The following ZFR2 variants were observed in gnomAD, a reference collection of about 807,000 sequenced individuals.
ZFR2 encodes the protein zinc finger RNA binding protein 2.
ZFR2 carries 104 observed loss-of-function variants against 105.7 expected under a neutral mutation model. That is an observed-to-expected ratio of 0.98 (90% CI 0.84 to 1.16). The LOEUF (loss-of-function observed/expected upper bound fraction) is 1.16. Ranked by LOEUF, ZFR2 falls within the 50% of genes most tolerant of loss-of-function variation. ZFR2 has a pLI of 0.00. For synonymous variants in ZFR2, 634 were observed against 597.7 expected, an observed-to-expected ratio of 1.06 and a Z score of -0.89; for missense variants, 1,425 against 1,355.5, an observed-to-expected ratio of 1.05 and a Z score of -0.80.
intron 1 of ZFR2, among the ~76,000 whole-genome samples, chr19:3,857,695 CAAA>C (rs11367233): frequency 2.5e-4 from 26 of 104,364 alleles, no homozygotes; most frequent in Non-Finnish European, 1.2e-4. Flanking sequence ...GACCCTGTCT[CAAA>C]AAAAAAAAAA....
intron 1 of ZFR2, among the ~76,000 whole-genome samples, chr19:3,835,491 T>C (rs2005715): frequency 1.7e-5 from 1 of 57,780 alleles, no homozygotes. Flanking sequence ...ACGCCCAGCC[T>C]TTTTTTTTTT....
intron 10 of ZFR2, 28 bp downstream of exon 10, chr19:3,821,312 C>T: frequency 1.3e-6 from 2 of 1,548,160 alleles, no homozygotes; most frequent in Non-Finnish European, 1.7e-6. Context: ...CTCACCAGGC[C>T]CCCTTGCCAA....
intron 3 of ZFR2, 47 bp downstream of exon 3, chr19:3,833,617 C>T (rs559646916): frequency 2.3e-5 from 32 of 1,413,326 alleles, no homozygotes; most frequent in African/African-American, 1.4e-4. Context: ...CCCTGTGCTG[C>T]GGGGAGCGTC....
At position 3,825,369 on chromosome 19, in the gene ZFR2, G is replaced by A. The variant is rs774987664; in HGVS notation, c.1074C>T (p.Pro358=). The A allele has an allele frequency of 1.6e-5, 26 of 1,589,774 alleles. 1 individual carries two copies. Among genetic ancestry groups the A allele is most frequent in the South Asian group, 2.3e-5 (2 of 87,528 alleles). ...CTGTGGCCAGTGCAGGCTCGAGGGT[G>A]GGAATGGGCTTCCCCAGTTTGGCGT... ...KLHAKLGKPI[P]TLEPALATES... is the part of the protein sequence containing the mutation. The change falls in exon 7 of 19, where the codon CCC becomes CCT. Residue 358 remains proline, a synonymous_variant. Coordinates refer to ENST00000262961, the MANE Select transcript of ZFR2 (RefSeq NM_015174.2).
intron 1 of ZFR2, among the ~76,000 whole-genome samples, chr19:3,845,824 A>G (rs890001174): frequency 6.6e-5 from 10 of 152,018 alleles, no homozygotes; most frequent in Non-Finnish European, 1.3e-4. Flanking sequence ...AAAACTAAAA[A>G]TAAGTCAAGA....
chr19:3,813,187 G>A lies in ZFR2; in HGVS notation c.2242+633C>T, dbSNP rs2037786582. ...ATTACGAAGGGGGTAAAAGATGATA[G>A]GAGTTTGGAAAACTGCCCTAGAGAC... On this transcript the variant is annotated intron_variant, in intron 14 of 18. Coordinates refer to ENST00000262961, the MANE Select transcript of ZFR2 (RefSeq NM_015174.2). The surrounding 1 kb of genome is among the most constrained non-coding windows in gnomAD (Gnocchi z 4.4). Among the ~76,000 whole-genome samples, 2 of 152,238 alleles carry A rather than the reference G, an allele frequency of 1.3e-5. No homozygotes were observed. The highest frequency in any genetic ancestry group is 2.9e-5 in the Non-Finnish European group (2 of 68,040).
At chr19:3,830,655 G>T (rs1282798556) in intron 5 of ZFR2, among the ~76,000 whole-genome samples, 1 of 152,156 alleles carries the variant, frequency 6.6e-6, no homozygotes, top group Admixed American at 6.6e-5. Context: ...TCCAGAGTCT[G>T]CGATTGCAGA....
intron 2 of ZFR2, 97 bp from the exon 3 acceptor site, chr19:3,833,875 G>T (rs2038047540): frequency 1.1e-6 from 1 of 941,900 alleles, no homozygotes; most frequent in Non-Finnish European, 1.6e-6. Flanking sequence ...TCTGCACTTA[G>T]TCCTTCCTGC....
chr19:3,852,514 A>G, intron 1 of ZFR2: 2 of 718,632 alleles, frequency 2.8e-6, no homozygotes, highest in Non-Finnish European at 5.2e-6. Flanking sequence ...AAGCTTGGGC[A>G]CAGGGCAGTC....
intron 7 of ZFR2, among the ~76,000 whole-genome samples, chr19:3,824,348 A>AGCGAAGCAAT (rs2037926823): frequency 6.6e-6 from 1 of 152,196 alleles, no homozygotes; most frequent in East Asian, 1.9e-4. Context: ...GTGGAGGTAA[A>AGCGAAGCAAT]GCGAAGCAAT....
rs2037890787 is a variant in ZFR2, at chr19:3,821,390, G to A, written c.1581C>T (p.His527=). 2 of 1,610,826 alleles carry A rather than the reference G, an allele frequency of 1.2e-6. No homozygotes were observed. The highest frequency in any genetic ancestry group is 2.7e-5 in the African/African-American group (2 of 74,962). ...VLEERMRKQR[H]LAEERLEQLR... is the part of the protein sequence containing the mutation. ...GCTGCTCCAGCCGCTCCTCCGCCAG[G>A]TGCCGCTGCTTCCTCATGCGCTCCT... Residue 527 remains histidine (H), a synonymous_variant, in exon 10 of 19, where the codon CAC becomes CAT. Coordinates refer to ENST00000262961, the MANE Select transcript of ZFR2 (RefSeq NM_015174.2).
rs1235516054 is a variant in ZFR2, at chr19:3,834,676, C to A, written c.264+97G>T. 6 of 1,283,140 alleles carry A rather than the reference C, an allele frequency of 4.7e-6. No homozygotes were observed. The highest frequency in any genetic ancestry group is 1.3e-5 in the South Asian group (1 of 78,666). 79.5% of individuals were successfully genotyped at this position (1,283,140 alleles called of 1,614,324 possible). On this transcript the variant is annotated intron_variant, in intron 2 of 18. Coordinates refer to ENST00000262961, the MANE Select transcript of ZFR2 (RefSeq NM_015174.2). This position sits in a 1 kb window ranked among gnomAD's most constrained non-coding sequence, Gnocchi z 5.3. ...CGAAGGAAGGATCACGGTTAAGAGG[C>A]CTGGGAGAAGGAGTAGCTGTGGGAA...
intron 1 of ZFR2, among the ~76,000 whole-genome samples, chr19:3,840,342 AT>A (rs2145170584): frequency 6.6e-6 from 1 of 150,728 alleles, no homozygotes; most frequent in African/African-American, 2.4e-5. Context: ...GGTTCAAGCA[AT>A]TCTCCCACCT....
At chr19:3,807,334 G>T in intron 17 of ZFR2, 65 bp from the exon 18 acceptor site, 2 of 1,265,938 alleles carry the variant, frequency 1.6e-6, no homozygotes, top group Non-Finnish European at 2.2e-6. Flanking sequence ...CGGTGACAGG[G>T]CCGTCCCTCG....
chr19:3,820,433 T>A, intron 10 of ZFR2, 143 bp from the exon 11 acceptor site: 1 of 783,534 alleles, frequency 1.3e-6, no homozygotes, highest in Non-Finnish European at 2.0e-6. Flanking sequence ...ACTGCATGGG[T>A]GCCTGCTGTA....
At chr19:3,811,460 C>T (rs2037764336) in intron 14 of ZFR2, 94 bp from the exon 15 acceptor site, 117 of 884,358 alleles carry the variant, frequency 1.3e-4, no homozygotes, top group Non-Finnish European at 1.3e-4. Flanking sequence ...CCCCTCGACG[C>T]TTTTTTTTTT....
At position 3,828,303 on chromosome 19, in the gene ZFR2, C is replaced by T. The variant is rs149436296; in HGVS notation, c.853-650G>A. On this transcript the variant is annotated intron_variant, in intron 5 of 18. Coordinates refer to ENST00000262961, the MANE Select transcript of ZFR2 (RefSeq NM_015174.2). ...GGGACTACAGGTGCACACCACCACG[C>T]GTAGCTAATTCAAGTGTCCCTTTAT... Among the ~76,000 whole-genome samples, 1,100 of 152,248 alleles carry T rather than the reference C, an allele frequency of 7.2e-3. 13 individuals carry two copies. Among genetic ancestry groups the T allele is most frequent in the East Asian group, 0.029 (150 of 5,184 alleles).
Position 3,830,880 on chromosome 19 carries a change from A to C in ZFR2, c.852+423T>G, listed in dbSNP as rs150493162. Among the ~76,000 whole-genome samples the C allele has an allele frequency of 4.9e-3, 751 of 152,252 alleles. 2 individuals are homozygous for C. The highest frequency in any genetic ancestry group is 8.1e-3 in the Non-Finnish European group (552 of 68,008). On this transcript the variant is annotated intron_variant, in intron 5 of 18. Transcript: ENST00000262961. ...CGTATGTCCCAAACAAGCACTGCCA[A>C]GCACAAGCACGCATGCACACACACA...
chr19:3,806,250 T>G, intron 18 of ZFR2, 125 bp from the exon 19 acceptor site: 3 of 1,051,590 alleles, frequency 2.9e-6, no homozygotes, highest in Non-Finnish European at 3.7e-6. Context: ...TCCCTCGAGA[T>G]AGCCCCCGGC....
Sources: gnomAD v4.1 joint callset for allele counts (sites outside exome capture counted in the v4.1 genomes callset) on GRCh38, gnomAD v4.1.1 for gene constraint, Gnocchi (gnomAD v3.1) non-coding constraint, MANE v1.5 for transcripts, NCBI Gene and HGNC (gene_info 2026-07-23, HGNC 2026-07-21) for gene names.